The following CACNA1A variants were observed in gnomAD, a reference collection of about 807,000 sequenced individuals.
CACNA1A encodes voltage-dependent P/Q-type calcium channel subunit alpha-1A.
CACNA1A carries 57 observed loss-of-function variants against 262.4 expected under a neutral mutation model. That is an observed-to-expected ratio of 0.22 (90% CI 0.18 to 0.27). CACNA1A has a LOEUF of 0.27. Ranked by LOEUF, CACNA1A falls within the 10% of genes least tolerant of loss-of-function variation. The pLI, the probability that CACNA1A is intolerant of heterozygous loss-of-function variation, is 1.00. For missense variants in CACNA1A, 2,526 were observed against 3,562.8 expected (o/e 0.71, Z 7.41); for synonymous variants, 1,431 against 1,419.3 (o/e 1.01, Z -0.18).
Position 13,206,684 on chromosome 19 carries a change from TA to T in CACNA1A, c.*628del, listed in dbSNP as rs55732906. On this transcript the variant is annotated 3_prime_UTR_variant, in exon 47 of 47. Coordinates refer to ENST00000360228, the MANE Select transcript of CACNA1A (RefSeq NM_001127222.2). ...TTTTAAAATTGTTTATTGTTATTAT[TA>T]TTTTTTTAAATTGATTTCTGCAGGC... 2 of 154,012 alleles carry T rather than the reference TA, an allele frequency of 1.3e-5. No individual in the cohort carries two copies. Among genetic ancestry groups the T allele is most frequent in the Non-Finnish European group, 2.9e-5 (2 of 68,182 alleles). 9.5% of individuals were successfully genotyped at this position (154,012 alleles called of 1,614,324 possible).
At chr19:13,389,209 A>G (rs1200756359) in intron 3 of CACNA1A, among the ~76,000 whole-genome samples, 1 of 152,036 alleles carries the variant, frequency 6.6e-6, no homozygotes, top group Non-Finnish European at 1.5e-5. Flanking sequence ...GGCAACAACC[A>G]TATTTCTAAA....
chr19:13,354,146 G>A (rs1568564459), intron 6 of CACNA1A, among the ~76,000 whole-genome samples: 1 of 152,172 alleles, frequency 6.6e-6, no homozygotes, highest in Non-Finnish European at 1.5e-5. Flanking sequence ...GAGAATAAAT[G>A]TGGTGCCAGG....
At chr19:13,291,633 TAAAAAAA>T (rs3981952) in intron 19 of CACNA1A, among the ~76,000 whole-genome samples, 1 of 97,360 alleles carries the variant, frequency 1.0e-5, no homozygotes, top group African/African-American at 4.1e-5. Flanking sequence ...ACCCCATCTC[TAAAAAAA>T]AAAAAAAAAA....
At chr19:13,378,769 G>A (rs1294308363) in intron 3 of CACNA1A, among the ~76,000 whole-genome samples, 1 of 151,634 alleles carries the variant, frequency 6.6e-6, no homozygotes, top group East Asian at 1.9e-4. Context: ...CCAGGTTCAA[G>A]CAATTCTCGT....
intron 11 of CACNA1A, among the ~76,000 whole-genome samples, chr19:13,313,887 A>G (rs2058079557): frequency 6.6e-6 from 1 of 152,186 alleles, no homozygotes; most frequent in African/African-American, 2.4e-5. Flanking sequence ...CCTGAAGTTA[A>G]GTACTTAGTT....
intron 3 of CACNA1A, among the ~76,000 whole-genome samples, chr19:13,377,464 G>A (rs2059440199): frequency 6.6e-6 from 1 of 151,428 alleles, no homozygotes; most frequent in Non-Finnish European, 1.5e-5. Context: ...GAGGGTTCAA[G>A]CAATTCTCCT....
chr19:13,208,603 C>T (rs1381313991), intron 46 of CACNA1A, among the ~76,000 whole-genome samples, 153 bp downstream of exon 46: 1 of 152,042 alleles, frequency 6.6e-6, no homozygotes, highest in African/African-American at 2.4e-5. Context: ...CTCCGGCCGC[C>T]GGGCACCCCG....
At chr19:13,209,528 G>A in intron 44 of CACNA1A, 30 bp from the exon 45 acceptor site, 1 of 1,279,714 alleles carries the variant, frequency 7.8e-7, no homozygotes, top group Non-Finnish European at 1.0e-6. Flanking sequence ...GGTGGGCTGG[G>A]GTCAGCAGCT....
chr19:13,286,160 C>T (rs189897993), intron 20 of CACNA1A, among the ~76,000 whole-genome samples: 4 of 152,138 alleles, frequency 2.6e-5, no homozygotes, highest in Non-Finnish European at 5.9e-5. Context: ...TTCTTTTGGA[C>T]AGTGCTGGGC....
chr19:13,290,398 G>A (rs964500517), intron 19 of CACNA1A, among the ~76,000 whole-genome samples: 5 of 151,826 alleles, frequency 3.3e-5, no homozygotes, highest in African/African-American at 4.8e-5. Flanking sequence ...GTGTGTCTGT[G>A]TGTGTCTGTG....
intron 6 of CACNA1A, among the ~76,000 whole-genome samples, chr19:13,354,869 C>CTTTTTTTTTT (rs56350383): frequency 5.2e-5 from 6 of 115,094 alleles, no homozygotes; most frequent in Non-Finnish European, 8.4e-5. Flanking sequence ...TTTTCTTTTT[C>CTTTTTTTTTT]TTTTTTTTTT....
At position 13,209,026 on chromosome 19, in the gene CACNA1A, TCAGA is replaced by T. The variant is rs1459212484; in HGVS notation, c.6527-21_6527-18del. ...TCCCCAAGCCTGGGCCGGGTGAGGG[TCAGA>T]CAGACACACAGGTGGTCGTGAGGGA... is the stretch of plus-strand genomic sequence containing the variant. On this transcript the variant is annotated intron_variant, in intron 45 of 46. Transcript: ENST00000360228. The T allele has an allele frequency of 6.5e-7, 1 of 1,536,460 alleles. No individual in the cohort carries two copies. The highest frequency in any genetic ancestry group is 8.7e-7 in the Non-Finnish European group (1 of 1,146,770).
Position 13,338,895 on chromosome 19 carries a change from T to C in CACNA1A, c.979-2986A>G, listed in dbSNP as rs191310659. 4.1e-4 allele frequency among the ~76,000 whole-genome samples: 62 copies of C among 152,304 alleles called. No individual in the cohort carries two copies. The East Asian group carries it at 0.012, about 29-fold the overall frequency. On this transcript the variant is annotated intron_variant, in intron 6 of 46. Transcript: ENST00000360228. Reference sequence around the variant, plus strand: ...AGTTGTTTTTTTTTGAGACGGAGTCTTACTCTGTTGCCGAGGCTGGAGTGC... The same window carrying C: ...AGTTGTTTTTTTTTGAGACGGAGTCCTACTCTGTTGCCGAGGCTGGAGTGC...
At chr19:13,371,804 G>A in intron 3 of CACNA1A, 25 bp from the exon 4 acceptor site, 4 of 1,525,936 alleles carry the variant, frequency 2.6e-6, no homozygotes, top group East Asian at 4.9e-5. Context: ...CCAGAATGGA[G>A]AACAGAGGGT....
chr19:13,397,320 T>C (rs2059826476), intron 3 of CACNA1A, among the ~76,000 whole-genome samples: 1 of 152,154 alleles, frequency 6.6e-6, no homozygotes, highest in Non-Finnish European at 1.5e-5. Context: ...GATTCTTGCT[T>C]CACCCCATTG....
chr19:13,439,169 T>C (rs1332851847), intron 3 of CACNA1A, among the ~76,000 whole-genome samples: 1 of 150,888 alleles, frequency 6.6e-6, no homozygotes, highest in South Asian at 2.1e-4. Flanking sequence ...AGTGCAGTGG[T>C]GCGATCTTGG....
chr19:13,298,146 T>TTC (rs1283561551), intron 19 of CACNA1A, among the ~76,000 whole-genome samples: 4 of 147,446 alleles, frequency 2.7e-5, no homozygotes, highest in Non-Finnish European at 6.0e-5. Context: ...TTTTTTTTTT[T>TTC]TTGAGACAGA....
At chr19:13,267,261 C>T (rs62108604) in intron 24 of CACNA1A, among the ~76,000 whole-genome samples, 19 of 152,306 alleles carry the variant, frequency 1.2e-4, no homozygotes, top group Non-Finnish European at 2.1e-4. Context: ...ACACAGAACA[C>T]GCACGTACAC....
At chr19:13,464,524 A>C (rs1360697789) in intron 1 of CACNA1A, among the ~76,000 whole-genome samples, 1 of 149,656 alleles carries the variant, frequency 6.7e-6, no homozygotes, top group African/African-American at 2.5e-5. Flanking sequence ...ATTGCTGCTA[A>C]TAGTAAATAA....
Sources: gnomAD v4.1 joint callset for allele counts (sites outside exome capture counted in the v4.1 genomes callset) on GRCh38, gnomAD v4.1.1 for gene constraint, MANE v1.5 for transcripts, NCBI Gene and HGNC (gene_info 2026-07-23, HGNC 2026-07-21) for gene names.